DNAH1: variants seen among roughly 807,000 people sequenced by gnomAD.
DNAH1 encodes axonemal beta dynein heavy chain 1.
A neutral mutation model predicts 484.3 loss-of-function variants in DNAH1; 327 were observed. The ratio of observed to expected loss-of-function variants is 0.68; its 90% confidence interval spans 0.62 to 0.74. The LOEUF is 0.74. DNAH1 is among the 30% of genes least tolerant of loss of function. The probability of loss-of-function intolerance (pLI) is 0.00; values close to 1 mark genes in which losing one functional copy is unlikely to be tolerated. For synonymous variants in DNAH1, 2,192 were observed against 2,191.9 expected (o/e 1.00, Z 0.00); for missense variants, 5,052 against 5,546.8 (o/e 0.91, Z 2.83).
intron 37 of DNAH1, 109 bp downstream of exon 37, chr3:52,369,027 G>A (rs1240479247): frequency 7.7e-7 from 1 of 1,292,674 alleles, no homozygotes; most frequent in Non-Finnish European, 1.1e-6. Flanking sequence ...CAGGGCCATG[G>A]GTCCATCTCA....
At chr3:52,335,847 G>A (rs941645853) in intron 8 of DNAH1, among the ~76,000 whole-genome samples, 5 of 148,750 alleles carry the variant, frequency 3.4e-5, no homozygotes, top group Non-Finnish European at 6.0e-5. Flanking sequence ...TTGGTCAGGC[G>A]GGTCTCAAAT....
In DNAH1 at chr3:52,397,037, A is replaced by T; in HGVS notation, c.11780A>T (p.Asp3927Val). Residue 3927 changes from aspartate to valine, a missense_variant, in exon 73 of 78, where the codon GAC (aspartate) becomes GTC (valine). Transcript: ENST00000420323. ...TACCACCAGATCCCGCCTACCTACGACCTCCACGTGAGTCCAGCCCAAAGG... is the reference window on the plus strand; with the variant it reads ...TACCACCAGATCCCGCCTACCTACGTCCTCCACGTGAGTCCAGCCCAAAGG... ...GIYHQIPPTY[D>V]LHGYLSYIKS... 6.2e-7 allele frequency: 1 copy of T among 1,602,836 alleles called. No homozygotes were observed. Among genetic ancestry groups the T allele is most frequent in the South Asian group, 1.1e-5 (1 of 89,568 alleles).
Position 52,358,576 on chromosome 3 carries a change from C to G in DNAH1, c.4105C>G (p.Leu1369Val). 6.2e-7 allele frequency: 1 copy of G among 1,610,820 alleles called. No individual in the cohort carries two copies. Among genetic ancestry groups the G allele is most frequent in the East Asian group, 2.2e-5 (1 of 44,774 alleles). Residue 1369 changes from leucine to valine, a missense_variant, in exon 25 of 78, where the codon CTG (leucine) becomes GTG (valine). Leu to Val is a conservative substitution (Grantham distance 32). Transcript: ENST00000420323. This position sits in a 1 kb window ranked among gnomAD's most constrained non-coding sequence, Gnocchi z 4.2. ...CTTGCAGCTGCTATTCCAGGAGGACCTGGAGATCACGCACATGTACTCAGC... is the reference window on the plus strand; with the variant it reads ...CTTGCAGCTGCTATTCCAGGAGGACGTGGAGATCACGCACATGTACTCAGC... ...NIARLLFQED[L>V]EITHMYSAEG...
Position 52,353,706 on chromosome 3 carries a change from C to T in DNAH1, c.3480+73C>T, listed in dbSNP as rs1702494575. Reference sequence around the variant, plus strand: ...ACAGCCTGACCTCCTGCTCTGGCAACCACAGCCACTTGGGAGGATGACAGT... The same window carrying T: ...ACAGCCTGACCTCCTGCTCTGGCAATCACAGCCACTTGGGAGGATGACAGT... On this transcript the variant is annotated intron_variant, in intron 20 of 77. Coordinates refer to ENST00000420323, the MANE Select transcript of DNAH1 (RefSeq NM_015512.5). This position sits in a 1 kb window ranked among gnomAD's most constrained non-coding sequence, Gnocchi z 5.0. The T allele has an allele frequency of 2.6e-6, 4 of 1,538,130 alleles. No homozygotes were observed. The highest frequency in any genetic ancestry group is 3.5e-6 in the Non-Finnish European group (4 of 1,143,010).
At chr3:52,326,345 C>A in intron 4 of DNAH1, 31 bp downstream of exon 4, 1 of 1,584,656 alleles carries the variant, frequency 6.3e-7, no homozygotes, top group Non-Finnish European at 8.5e-7. Flanking sequence ...GGGAGACTGT[C>A]GGGGAGGTGG....
intron 56 of DNAH1, 103 bp from the exon 57 acceptor site, chr3:52,388,064 C>A: frequency 7.0e-7 from 1 of 1,428,296 alleles, no homozygotes; most frequent in Non-Finnish European, 9.5e-7. Context: ...CTGCACAGGG[C>A]ATAAAAGCCA....
rs768419207 is a variant in DNAH1, at chr3:52,370,427, C to T, written c.6259-50C>T. The T allele has an allele frequency of 9.3e-5, 149 of 1,609,890 alleles. 1 individual carries two copies. The Admixed American group carries it at 2.1e-3, about 22-fold the overall frequency. ...ATGCCCCTGCCCCACTTCCTCAGGC[C>T]GCTTGATACTGTTCCTGTCTCAGCC... is the stretch of plus-strand genomic sequence containing the variant. On this transcript the variant is annotated intron_variant, in intron 39 of 77. Transcript: ENST00000420323.
At chr3:52,372,501 G>C (rs954971748) in intron 43 of DNAH1, 114 bp downstream of exon 43, 2 of 1,433,194 alleles carry the variant, frequency 1.4e-6, no homozygotes, top group Non-Finnish European at 1.9e-6. Flanking sequence ...AACCTCCCAG[G>C]GGGAGCTGAC....
chr3:52,394,071 T>C (rs1704510582), intron 66 of DNAH1, among the ~76,000 whole-genome samples: 1 of 152,216 alleles, frequency 6.6e-6, no homozygotes, highest in Non-Finnish European at 1.5e-5. Context: ...CCACACCTGC[T>C]TGGCCAGGAA....
chr3:52,373,694 G>A lies in DNAH1; in HGVS notation c.6985+641G>A, dbSNP rs1703457213. On this transcript the variant is annotated intron_variant, in intron 44 of 77. Coordinates refer to ENST00000420323, the MANE Select transcript of DNAH1 (RefSeq NM_015512.5). The stretch of plus-strand genomic sequence containing the variant: ...ATCAAAAGAAGTTTTTTATCCAGAA[G>A]TTATGTCAGTGTTGCGTCCTTTTTG... 8 of 1,371,820 alleles carry A rather than the reference G, an allele frequency of 5.8e-6. No individual in the cohort carries two copies. The South Asian group carries it at 9.3e-5, about 16-fold the overall frequency. The allele number at this position is 1,371,820 out of a possible 1,614,324, so 85.0% of individuals were successfully genotyped here.
chr3:52,377,121 C>T (rs1697380689), intron 46 of DNAH1, among the ~76,000 whole-genome samples: 4 of 152,170 alleles, frequency 2.6e-5, no homozygotes, highest in Admixed American at 2.6e-4. Flanking sequence ...CAGACCTCTC[C>T]CATGAATGCC....
upstream of DNAH1, among the ~76,000 whole-genome samples, chr3:52,313,249 C>T (rs1559477089): frequency 6.6e-6 from 1 of 152,220 alleles, no homozygotes; most frequent in Non-Finnish European, 1.5e-5. Context: ...GAAACTGAGA[C>T]TCTAGCAACT....
chr3:52,370,315 T>C (rs1703279059), intron 39 of DNAH1, 86 bp downstream of exon 39: 2 of 1,563,094 alleles, frequency 1.3e-6, no homozygotes, highest in Admixed American at 1.8e-5. Flanking sequence ...AAGAGAGAAT[T>C]GGATTGGTGC....
rs571680922 is a variant in DNAH1 at position 52,386,610 on chromosome 3, G to A, written c.8812-52G>A. 74 of 1,492,162 alleles carry A rather than the reference G, an allele frequency of 5.0e-5. No individual in the cohort carries two copies. In the East Asian group the frequency reaches 9.1e-4, roughly 18 times the overall value. 92.4% of individuals were successfully genotyped at this position (1,492,162 alleles called of 1,614,324 possible). A position where few individuals can be genotyped will look rare whatever the true frequency, so the allele number is the denominator to read the frequency against. The stretch of plus-strand genomic sequence containing the variant: ...CAACCTTTCTGGCAGGGTCCCTGCC[G>A]AGGGGTGCCCACTGGGTCTGAGTCT... On this transcript the variant is annotated intron_variant, in intron 55 of 77. Coordinates refer to ENST00000420323, the MANE Select transcript of DNAH1 (RefSeq NM_015512.5).
chr3:52,388,584 AG>A lies in DNAH1; in HGVS notation c.9339del (p.Glu3113AspfsTer81). The part of the protein sequence containing the change: ...EELELKCEQC[E>X]QRLGRAGKLI... ...CTGGAGCTGAAGTGTGAGCAGTGTG[AG>A]CAGCGGCTGGGCCGAGCTGGCAAGG... is the stretch of plus-strand genomic sequence containing the variant. On this transcript the variant is annotated frameshift_variant, in exon 58 of 78. Transcript: ENST00000420323. LOFTEE classifies it high-confidence loss of function. 6.2e-7 allele frequency: 1 copy of A among 1,612,506 alleles called. No individual in the cohort carries two copies. The highest frequency in any genetic ancestry group is 8.5e-7 in the Non-Finnish European group (1 of 1,179,518).
intron 1 of DNAH1, among the ~76,000 whole-genome samples, chr3:52,320,537 G>A (rs1701106893): frequency 6.6e-6 from 1 of 152,238 alleles, no homozygotes; most frequent in African/African-American, 2.4e-5. Context: ...GCACTGCTGG[G>A]TAGTTTTGCT....
chr3:52,351,105 C>T (rs576978300), intron 16 of DNAH1, among the ~76,000 whole-genome samples: 1 of 152,352 alleles, frequency 6.6e-6, no homozygotes, highest in Admixed American at 6.5e-5. Context: ...CCGCCGCGCC[C>T]TCCCAAACTG....
chr3:52,325,202 C>T (rs1297686277), intron 3 of DNAH1, among the ~76,000 whole-genome samples: 2 of 152,196 alleles, frequency 1.3e-5, no homozygotes, highest in African/African-American at 4.8e-5. Context: ...GAGCCTTGGA[C>T]ACTGCCCAGG....
intron 41 of DNAH1, 126 bp from the exon 42 acceptor site, chr3:52,371,820 C>A (rs1470634800): frequency 1.4e-6 from 2 of 1,405,970 alleles, no homozygotes; most frequent in Non-Finnish European, 1.9e-6. Flanking sequence ...CAGCCCTGCA[C>A]CTGGACCCGC....
Sources: gnomAD v4.1 joint callset for allele counts (sites outside exome capture counted in the v4.1 genomes callset) on GRCh38, gnomAD v4.1.1 for gene constraint, Gnocchi (gnomAD v3.1) non-coding constraint, MANE v1.5 for transcripts, NCBI Gene and HGNC (gene_info 2026-07-23, HGNC 2026-07-21) for gene names.